The following CNTRL variants were observed in gnomAD, a reference collection of about 807,000 sequenced individuals.
The protein encoded by CNTRL is centriolin, also known as 110 kDa centrosomal protein.
A neutral mutation model predicts 303.7 loss-of-function variants in CNTRL; 233 were observed. The ratio of observed to expected loss-of-function variants is 0.77; its 90% CI spans 0.69 to 0.86. The LOEUF (loss-of-function observed/expected upper bound fraction) is 0.86, where lower values mean the gene tolerates loss of function less well. CNTRL is among the 40% of genes least tolerant of loss of function. CNTRL has a pLI of 0.00. For missense variants in CNTRL, 2,524 were observed against 2,650.6 expected (o/e 0.95, Z 1.05); for synonymous variants, 900 against 922.2 (o/e 0.98, Z 0.44).
In CNTRL at chr9:121,154,880, G is replaced by A; in HGVS notation, c.4332G>A (p.Glu1444=). The part of the protein sequence containing the change: ...ELREADRLLA[E]AESELSCTKE... Reference sequence around the variant, plus strand: ...GGGAAGCTGACCGACTCCTGGCAGAGGCTGAGAGTGAACTTTCATGCACTA... The same window carrying A: ...GGGAAGCTGACCGACTCCTGGCAGAAGCTGAGAGTGAACTTTCATGCACTA... The change falls in exon 27 of 44, where the codon GAG becomes GAA. Residue 1444 remains glutamate (E), a synonymous_variant. Transcript: ENST00000373855. The A allele has an allele frequency of 6.2e-7, 1 of 1,614,160 alleles. No individual in the cohort carries two copies. Among genetic ancestry groups the A allele is most frequent in the Non-Finnish European group, 8.5e-7 (1 of 1,180,010 alleles).
chr9:121,176,721 A>C (rs946151397), intron 43 of CNTRL, among the ~76,000 whole-genome samples: 4 of 152,304 alleles, frequency 2.6e-5, no homozygotes, highest in Non-Finnish European at 4.4e-5. Context: ...CCAGGCCTAT[A>C]TGGGATAAAA....
rs1294252129 is a variant in CNTRL, at chr9:121,094,779, A to C, written c.349-109A>C. 4 of 779,714 alleles carry C rather than the reference A, an allele frequency of 5.1e-6. No individual in the cohort carries two copies. The Admixed American group carries it at 1.2e-4, about 23-fold the overall frequency. The allele number at this position is 779,714 out of a possible 1,614,324, so 48.3% of individuals were successfully genotyped here. A position where few individuals can be genotyped will look rare whatever the true frequency, so the allele number is the denominator to read the frequency against. ...TTCTCCAGGAGAGCAGTAAGGGTAT[A>C]TTATTTTCTGATGACTGATCAAACA... On this transcript the variant is annotated intron_variant, in intron 4 of 43. Transcript: ENST00000373855.
intron 5 of CNTRL, 138 bp downstream of exon 5, chr9:121,095,156 A>T: frequency 1.5e-6 from 1 of 664,920 alleles, no homozygotes; most frequent in Non-Finnish European, 2.4e-6. Flanking sequence ...AATCAAATGA[A>T]TGTCTGTCTC....
intron 2 of CNTRL, among the ~76,000 whole-genome samples, chr9:121,084,690 G>T (rs941770086): frequency 5.3e-5 from 8 of 152,050 alleles, no homozygotes; most frequent in African/African-American, 1.9e-4. Flanking sequence ...GATTCCTGGC[G>T]CTTGCCACCA....
At chr9:121,081,622 C>T (rs1310568515) in intron 2 of CNTRL, among the ~76,000 whole-genome samples, 2 of 152,170 alleles carry the variant, frequency 1.3e-5, no homozygotes, top group Non-Finnish European at 2.9e-5. Context: ...CTTACATTTT[C>T]CCATTTATTA....
At chr9:121,128,261 A>G (rs553253790) in intron 14 of CNTRL, among the ~76,000 whole-genome samples, 1 of 152,328 alleles carries the variant, frequency 6.6e-6, no homozygotes, top group African/African-American at 2.4e-5. Flanking sequence ...ACTCCCACCA[A>G]CAGTGTAAAA....
intron 31 of CNTRL, 94 bp from the exon 32 acceptor site, chr9:121,160,049 T>C: frequency 2.1e-6 from 2 of 957,138 alleles, no homozygotes; most frequent in Non-Finnish European, 2.9e-6. Flanking sequence ...AATTAGAATT[T>C]CTATGATATA....
At chr9:121,098,924 A>T (rs1037533293) in intron 7 of CNTRL, among the ~76,000 whole-genome samples, 7 of 152,124 alleles carry the variant, frequency 4.6e-5, no homozygotes, top group Non-Finnish European at 8.8e-5. Flanking sequence ...GAAAGCAAAG[A>T]GAAGAGAGGG....
At chr9:121,168,434 CAGG>C (rs1476453339) in intron 38 of CNTRL, 113 bp downstream of exon 38, 1 of 835,870 alleles carries the variant, frequency 1.2e-6, no homozygotes. Flanking sequence ...GGAGAGGAGG[CAGG>C]AGAAGTAAAG....
At chr9:121,112,806 C>T (rs577426947) in intron 9 of CNTRL, among the ~76,000 whole-genome samples, 1 of 152,282 alleles carries the variant, frequency 6.6e-6, no homozygotes, top group South Asian at 2.1e-4. Context: ...TGCCCATAGC[C>T]ATATCCATTA....
intron 1 of CNTRL, among the ~76,000 whole-genome samples, chr9:121,079,342 A>T (rs942450627): frequency 6.6e-5 from 10 of 152,112 alleles, no homozygotes; most frequent in African/African-American, 2.4e-4. Flanking sequence ...ATGAAGGAAA[A>T]AGTACAGATA....
chr9:121,139,570 A>C (rs1221958018), intron 16 of CNTRL, among the ~76,000 whole-genome samples: 1 of 152,218 alleles, frequency 6.6e-6, no homozygotes, highest in African/African-American at 2.4e-5. Flanking sequence ...TCCACTTCTG[A>C]AGCAAATATC....
chr9:121,117,851 C>T (rs7859243), intron 11 of CNTRL, among the ~76,000 whole-genome samples: 2 of 151,898 alleles, frequency 1.3e-5, no homozygotes, highest in South Asian at 2.1e-4. Flanking sequence ...TGGTAGTGGG[C>T]GCCTATAGTC....
rs767081162 is a variant in CNTRL, at chr9:121,152,483, A to G, written c.3964-2A>G. On this transcript the variant is annotated splice_acceptor_variant, in intron 25 of 43. Coordinates refer to ENST00000373855, the MANE Select transcript of CNTRL (RefSeq NM_007018.6). LOFTEE classifies it high-confidence loss of function. ...CTGCATTTTTTTCCCCATCTCATTC[A>G]GGAGAATGAAGTTTCTAGATTAGAA... The G allele has an allele frequency of 3.1e-6, 5 of 1,606,444 alleles. No homozygotes were observed. Among genetic ancestry groups the G allele is most frequent in the Non-Finnish European group, 3.4e-6 (4 of 1,173,184 alleles).
Position 121,167,651 on chromosome 9 carries a change from A to C in CNTRL, c.5818A>C (p.Lys1940Gln). 2 of 1,614,132 alleles carry C rather than the reference A, an allele frequency of 1.2e-6. No homozygotes were observed. Among genetic ancestry groups the C allele is most frequent in the Non-Finnish European group, 8.5e-7 (1 of 1,179,990 alleles). Residue 1940 changes from lysine to glutamine, a missense_variant, in exon 37 of 44, where the codon AAG (lysine) becomes CAG (glutamine). Coordinates refer to ENST00000373855, the MANE Select transcript of CNTRL (RefSeq NM_007018.6). ...GCTTCAGAATGAGATTGAAGAAAAC[A>C]AGCTCAAACTAGTCCAACAAGAAAT... The part of the protein sequence containing the change: ...QVLQNEIEEN[K>Q]LKLVQQEMMF...
intron 34 of CNTRL, among the ~76,000 whole-genome samples, chr9:121,163,708 A>T (rs2052961081): frequency 6.6e-6 from 1 of 152,182 alleles, no homozygotes; most frequent in South Asian, 2.1e-4. Context: ...ATTTGAATAG[A>T]CATTTCATTA....
intron 24 of CNTRL, among the ~76,000 whole-genome samples, chr9:121,149,408 GT>G (rs11326933): frequency 0.54 from 79,159 of 146,326 alleles, 22,740 homozygotes; most frequent in South Asian, 0.87. Context: ...TTTGTTTTTT[GT>G]TTTTTTTTTT....
chr9:121,136,035 A>G (rs889078806), intron 15 of CNTRL, 53 bp downstream of exon 15: 2 of 1,399,782 alleles, frequency 1.4e-6, no homozygotes, highest in African/African-American at 1.4e-5. Context: ...GCCTTAAGAT[A>G]TCATCCTTCT....
chr9:121,131,970 C>A (rs1243078859), intron 14 of CNTRL, among the ~76,000 whole-genome samples: 1 of 152,206 alleles, frequency 6.6e-6, no homozygotes, highest in Non-Finnish European at 1.5e-5. Context: ...CCTCTACTCT[C>A]TTCTGGCTTG....
Sources: allele counts gnomAD v4.1 joint callset (sites outside exome capture counted in the v4.1 genomes callset), GRCh38; gene constraint gnomAD v4.1.1; transcripts MANE v1.5; gene names NCBI Gene and HGNC (gene_info 2026-07-23, HGNC 2026-07-21).